MME: variants seen among roughly 807,000 people sequenced by gnomAD.
MME encodes neprilysin.
Under a neutral mutation model 113.2 loss-of-function variants are expected in MME, and 98 were observed. The observed-to-expected ratio is 0.87, with a 90% CI of 0.74 to 1.02. The LOEUF (loss-of-function observed/expected upper bound fraction) is 1.02. Among genes scored for constraint, MME ranks in the 50% least tolerant of loss-of-function variants. The pLI, the probability that MME is intolerant of heterozygous loss-of-function variation, is 0.00. For synonymous variants in MME, 292 were observed against 300.6 expected (o/e 0.97, Z 0.30); for missense variants, 836 against 896.0 (o/e 0.93, Z 0.86).
intron 16 of MME, among the ~76,000 whole-genome samples, chr3:155,149,932 A>G (rs2108328423): frequency 6.6e-6 from 1 of 152,340 alleles, no homozygotes; most frequent in South Asian, 2.1e-4. Context: ...TTAGTGTCCC[A>G]TCTGGGAAAG....
At chr3:155,041,475 C>T (rs771517748) in intron 1 of MME, among the ~76,000 whole-genome samples, 8 of 152,042 alleles carry the variant, frequency 5.3e-5, no homozygotes, top group Admixed American at 1.3e-4. Context: ...GGCATTAAAG[C>T]TGGTTTACAT....
chr3:155,146,309 T>A lies in MME; in HGVS notation c.1417-835T>A, dbSNP rs372289070. Among the ~76,000 whole-genome samples the A allele has an allele frequency of 9.5e-4, 145 of 152,200 alleles. 1 individual carries two copies. The East Asian group carries it at 0.017, about 18-fold the overall frequency. On this transcript the variant is annotated intron_variant, in intron 14 of 22. Transcript: ENST00000360490. ...GGGAGGCCGAGGCAGGCAGATTGCT[T>A]GAGCCCAGGAGTTTGAGACTAGCCT... is the stretch of plus-strand genomic sequence containing the variant.
chr3:155,173,722 T>A (rs2108378038), intron 22 of MME, among the ~76,000 whole-genome samples: 3 of 152,162 alleles, frequency 2.0e-5, no homozygotes, highest in African/African-American at 7.2e-5. Flanking sequence ...TTAACTGCTT[T>A]ATAGGTAATG....
intron 4 of MME, 57 bp from the exon 5 acceptor site, chr3:155,116,422 T>C: frequency 8.0e-7 from 1 of 1,252,060 alleles, no homozygotes; most frequent in Non-Finnish European, 1.2e-6. Flanking sequence ...GCAATTATGT[T>C]TGCATAGTGC....
chr3:155,142,134 AT>A lies in MME; in HGVS notation c.1094+8del. 1 of 1,613,828 alleles carries A rather than the reference AT, an allele frequency of 6.2e-7. No homozygotes were observed. Among genetic ancestry groups the A allele is most frequent in the Non-Finnish European group, 8.5e-7 (1 of 1,179,776 alleles). ...TTACCAAATATTCTGCCAGGTAGGT[AT>A]GTCACAGTCCCCATGTCCTCAAAGT... On this transcript the variant is annotated splice_region_variant and intron_variant, in intron 11 of 22. Coordinates refer to ENST00000360490, the MANE Select transcript of MME (RefSeq NM_007289.4).
chr3:155,172,722 G>GT lies in MME; in HGVS notation c.2153+110_2153+111insT, dbSNP rs1274772161. On this transcript the variant is annotated intron_variant, in intron 22 of 22. Coordinates refer to ENST00000360490, the MANE Select transcript of MME (RefSeq NM_007289.4). ...ATTCTTTTACATTTGGAAATTCAGT[G>GT]CTTTTTTTTTTTTTTGAGAGTCAAA... 5.2e-5 allele frequency: 39 copies of GT among 747,786 alleles called. No homozygotes were observed. Among genetic ancestry groups the GT allele is most frequent in the African/African-American group, 5.1e-4 (21 of 40,986 alleles). The allele number at this position is 747,786 out of a possible 1,614,324, so 46.3% of individuals were successfully genotyped here.
intron 8 of MME, among the ~76,000 whole-genome samples, chr3:155,129,065 T>G (rs981965125): frequency 9.9e-5 from 15 of 152,226 alleles, no homozygotes; most frequent in African/African-American, 3.6e-4. Context: ...GCAGTTTACA[T>G]TATTTTATTG....
intron 20 of MME, among the ~76,000 whole-genome samples, chr3:155,170,855 C>G (rs2108371373): frequency 6.6e-6 from 1 of 152,256 alleles, no homozygotes; most frequent in East Asian, 1.9e-4. Context: ...ATAAGCTCAG[C>G]AGTCATGGGA....
At chr3:155,133,604 TATATATATGTATATACACC>T (rs974078067) in intron 8 of MME, among the ~76,000 whole-genome samples, 1 of 149,470 alleles carries the variant, frequency 6.7e-6, no homozygotes, top group Admixed American at 6.7e-5. Flanking sequence ...GCATCCCATA[TATATATATGTATATACACC>T]ATATATATGT....
At chr3:155,075,862 C>G (rs1461261872), upstream of MME, among the ~76,000 whole-genome samples, 2 of 152,238 alleles carry the variant, frequency 1.3e-5, no homozygotes, top group South Asian at 4.2e-4. Flanking sequence ...TTAAACTCTC[C>G]CAGCTTACAC....
rs1576683894 is a variant in MME at position 155,181,041 on chromosome 3, C to T, written c.*582C>T. 6.5e-6 allele frequency: 1 copy of T among 154,064 alleles called. No individual in the cohort carries two copies. The highest frequency in any genetic ancestry group is 2.0e-4 in the South Asian group (1 of 4,944). The allele number at this position is 154,064 out of a possible 1,614,324, so 9.5% of individuals were successfully genotyped here. A position where few individuals can be genotyped will look rare whatever the true frequency, so the allele number is the denominator to read the frequency against. On this transcript the variant is annotated 3_prime_UTR_variant, in exon 23 of 23. Coordinates refer to ENST00000360490, the MANE Select transcript of MME (RefSeq NM_007289.4). ...TCATTCTGTGATCATTTATTTTAAG[C>T]ACTCTTAAAGCAAAAAATGAATGTC... is the stretch of plus-strand genomic sequence containing the variant.
chr3:155,144,501 T>G, intron 14 of MME, 44 bp downstream of exon 14: 1 of 1,278,260 alleles, frequency 7.8e-7, no homozygotes, highest in Non-Finnish European at 1.1e-6. Context: ...TCTTTGCTAG[T>G]ATAGGAAAAA....
chr3:155,135,906 G>T (rs570531272), intron 8 of MME, among the ~76,000 whole-genome samples: 11 of 152,242 alleles, frequency 7.2e-5, no homozygotes, highest in African/African-American at 2.6e-4. Flanking sequence ...TGTGCCTATT[G>T]CAAATGAGAT....
At chr3:155,117,599 G>GTT (rs5853715) in intron 7 of MME, among the ~76,000 whole-genome samples, 494 of 131,404 alleles carry the variant, frequency 3.8e-3, no homozygotes, top group Non-Finnish European at 6.0e-3. Flanking sequence ...TTTTTTTTTT[G>GTT]TTTTTTTTTT....
At chr3:155,154,003 AG>A (rs1490425460) in intron 16 of MME, among the ~76,000 whole-genome samples, 2 of 152,206 alleles carry the variant, frequency 1.3e-5, no homozygotes, top group Non-Finnish European at 2.9e-5. Flanking sequence ...CAAACCACAA[AG>A]CTTTACTTAT....
chr3:155,172,348 C>A (rs368385580), intron 21 of MME, 136 bp downstream of exon 21: 1 of 799,096 alleles, frequency 1.3e-6, no homozygotes, highest in Non-Finnish European at 2.2e-6. Context: ...TTATAATAGA[C>A]TGTTGGATCA....
intron 16 of MME, among the ~76,000 whole-genome samples, chr3:155,154,374 A>G (rs191133483): frequency 8.7e-4 from 133 of 152,270 alleles, no homozygotes; most frequent in African/African-American, 3.0e-3. Flanking sequence ...TGCCACTGCA[A>G]TGAGTGCCTA....
intron 8 of MME, among the ~76,000 whole-genome samples, chr3:155,129,175 G>A (rs550237370): frequency 2.0e-5 from 3 of 152,240 alleles, no homozygotes; most frequent in Non-Finnish European, 4.4e-5. Context: ...TTCCTTGCCC[G>A]TCGCTTTAGC....
At chr3:155,125,739 G>A (rs770345895) in intron 8 of MME, among the ~76,000 whole-genome samples, 2 of 151,972 alleles carry the variant, frequency 1.3e-5, no homozygotes, top group Non-Finnish European at 2.9e-5. Flanking sequence ...GATTACAGAT[G>A]TGAGCCACCA....
Sources: gnomAD v4.1 joint callset for allele counts (sites outside exome capture counted in the v4.1 genomes callset) on GRCh38, gnomAD v4.1.1 for gene constraint, MANE v1.5 for transcripts, NCBI Gene and HGNC (gene_info 2026-07-23, HGNC 2026-07-21) for gene names.